Variants in FAM13A observed in about 807,000 individuals in gnomAD.
The protein encoded by FAM13A is protein FAM13A.
In FAM13A, 76 loss-of-function variants were observed where a neutral mutation model predicts 129.6. The ratio of observed to expected loss-of-function variants is 0.59; its 90% CI spans 0.49 to 0.71. The LOEUF (loss-of-function observed/expected upper bound fraction) is 0.71. Ranked by LOEUF, FAM13A falls within the 30% of genes least tolerant of loss-of-function variation. The probability of loss-of-function intolerance (pLI) is 0.00; values close to 1 mark genes in which losing one functional copy is unlikely to be tolerated. For synonymous variants in FAM13A, 443 were observed against 449.9 expected, an observed-to-expected ratio of 0.98 and a Z score of 0.20; for missense variants, 1,108 against 1,249.3, an observed-to-expected ratio of 0.89 and a Z score of 1.70.
intron 23 of FAM13A, chr4:88,729,793 A>C (rs1467066515): frequency 6.6e-6 from 1 of 152,354 alleles, no homozygotes; most frequent in Non-Finnish European, 1.5e-5. Flanking sequence ...CATGTATAAG[A>C]TATCTGTGCA....
At chr4:88,862,794 A>G (rs1739707745) in intron 6 of FAM13A, among the ~76,000 whole-genome samples, 1 of 152,106 alleles carries the variant, frequency 6.6e-6, no homozygotes, top group African/African-American at 2.4e-5. Context: ...GTAAAAATAA[A>G]TAAACAATAA....
chr4:88,812,775 G>C (rs543748397), intron 7 of FAM13A, among the ~76,000 whole-genome samples: 43 of 152,240 alleles, frequency 2.8e-4, no homozygotes, highest in Admixed American at 1.4e-3. Context: ...CACCTAGCTA[G>C]GTACCAAGAA....
intron 7 of FAM13A, among the ~76,000 whole-genome samples, chr4:88,809,756 G>C (rs1018427439): frequency 2.0e-5 from 3 of 151,382 alleles, no homozygotes; most frequent in Non-Finnish European, 4.4e-5. Flanking sequence ...AGTCTCAGTC[G>C]TTAACCATGC....
At chr4:88,778,553 T>C (rs553158705) in intron 11 of FAM13A, among the ~76,000 whole-genome samples, 1 of 152,210 alleles carries the variant, frequency 6.6e-6, no homozygotes, top group Admixed American at 6.5e-5. Flanking sequence ...TGAGTCCATA[T>C]AGCTGGCTCT....
intron 4 of FAM13A, among the ~76,000 whole-genome samples, chr4:88,949,754 AG>A (rs1756624297): frequency 6.6e-6 from 1 of 152,164 alleles, no homozygotes; most frequent in Non-Finnish European, 1.5e-5. Flanking sequence ...CCCCTTCTCA[AG>A]AATTATTGAC....
intron 19 of FAM13A, among the ~76,000 whole-genome samples, chr4:88,740,329 G>A (rs1429939486): frequency 6.6e-6 from 1 of 152,142 alleles, no homozygotes; most frequent in East Asian, 1.9e-4. Context: ...ATGTTGACAC[G>A]TGTCTCCTCC....
intron 10 of FAM13A, among the ~76,000 whole-genome samples, chr4:88,782,775 A>C (rs1353988275): frequency 6.6e-6 from 1 of 152,190 alleles, no homozygotes; most frequent in African/African-American, 2.4e-5. Context: ...GGAGGAGAAG[A>C]TGATAGGGAC....
At chr4:88,963,299 C>CTTT (rs768059079) in intron 4 of FAM13A, among the ~76,000 whole-genome samples, 2 of 138,328 alleles carry the variant, frequency 1.4e-5, no homozygotes, top group Non-Finnish European at 1.6e-5. Context: ...CATTTAAAAT[C>CTTT]TTTTTTTTTT....
intron 7 of FAM13A, among the ~76,000 whole-genome samples, chr4:88,805,522 C>T (rs1316424968): frequency 6.6e-6 from 1 of 152,130 alleles, no homozygotes; most frequent in Non-Finnish European, 1.5e-5. Context: ...GTAAACAGCA[C>T]CATACTCACG....
chr4:88,974,141 C>A (rs1432213095), intron 4 of FAM13A, among the ~76,000 whole-genome samples: 5 of 152,150 alleles, frequency 3.3e-5, no homozygotes, highest in African/African-American at 1.2e-4. Flanking sequence ...AGGCAAAACT[C>A]CCAAAATTAT....
chr4:89,010,813 T>C (rs1765625259), intron 3 of FAM13A, among the ~76,000 whole-genome samples: 1 of 152,128 alleles, frequency 6.6e-6, no homozygotes, highest in Admixed American at 6.6e-5. Context: ...GTTTCTCAGG[T>C]CATCTCAAAA....
At chr4:88,967,318 G>C (rs1392860313) in intron 4 of FAM13A, among the ~76,000 whole-genome samples, 2 of 151,872 alleles carry the variant, frequency 1.3e-5, no homozygotes, top group Non-Finnish European at 2.9e-5. Flanking sequence ...TAACTGAACT[G>C]CTGATTAAAG....
intron 5 of FAM13A, among the ~76,000 whole-genome samples, chr4:88,910,749 A>C (rs1296808271): frequency 6.6e-6 from 1 of 151,594 alleles, no homozygotes; most frequent in Non-Finnish European, 1.5e-5. Flanking sequence ...TCCTGGGTTC[A>C]AGCGATTCTC....
chr4:88,782,135 T>C (rs1221572450), intron 10 of FAM13A, among the ~76,000 whole-genome samples: 1 of 152,120 alleles, frequency 6.6e-6, no homozygotes, highest in Non-Finnish European at 1.5e-5. Context: ...GAAATCTGGA[T>C]TTGTTACTTC....
rs1003208034 is a variant in FAM13A, at chr4:88,747,112, C to G, written c.2383-97G>C. On this transcript the variant is annotated intron_variant, in intron 18 of 23. Coordinates refer to ENST00000264344, the MANE Select transcript of FAM13A (RefSeq NM_014883.4). ...ATTACTAAAGCAAGGCTAAAAAGAA[C>G]CCTCATATAACAGCTCTCCCTAGCT... 6 of 829,056 alleles carry G rather than the reference C, an allele frequency of 7.2e-6. No homozygotes were observed. In the African/African-American group the frequency reaches 1.0e-4, roughly 14 times the overall value. The allele number at this position is 829,056 out of a possible 1,614,324, so 51.4% of individuals were successfully genotyped here. A position where few individuals can be genotyped will look rare whatever the true frequency, so the allele number is the denominator to read the frequency against.
chr4:88,984,015 C>T lies in FAM13A; in HGVS notation c.605+6958G>A, dbSNP rs116347675. Among the ~76,000 whole-genome samples, 990 of 152,244 alleles carry T rather than the reference C, an allele frequency of 6.5e-3. 17 individuals carry two copies. The highest frequency in any genetic ancestry group is 0.023 in the African/African-American group (946 of 41,554). On this transcript the variant is annotated intron_variant, in intron 4 of 23. Coordinates refer to ENST00000264344, the MANE Select transcript of FAM13A (RefSeq NM_014883.4). The stretch of plus-strand genomic sequence containing the variant: ...TATAAGCCCCAATAATTGTGGTCAA[C>T]TTATTTTTGACAAGAGTGCTGAGAT...
chr4:88,991,433 G>C (rs933528298), intron 3 of FAM13A, among the ~76,000 whole-genome samples: 6 of 151,910 alleles, frequency 3.9e-5, no homozygotes, highest in Non-Finnish European at 7.4e-5. Flanking sequence ...GAGAGACTCC[G>C]TCTCAAAATA....
At chr4:88,806,701 G>T (rs1049418771) in intron 7 of FAM13A, among the ~76,000 whole-genome samples, 12 of 152,060 alleles carry the variant, frequency 7.9e-5, no homozygotes, top group Non-Finnish European at 1.3e-4. Flanking sequence ...GTAAGTGATG[G>T]GCTGTAATGT....
chr4:88,957,838 C>T (rs1191999329), intron 4 of FAM13A, among the ~76,000 whole-genome samples: 1 of 152,188 alleles, frequency 6.6e-6, no homozygotes, highest in Non-Finnish European at 1.5e-5. Context: ...AGGAACTTGG[C>T]TGCACTCTGC....
Sources: gnomAD v4.1 joint callset for allele counts (sites outside exome capture counted in the v4.1 genomes callset) on GRCh38, gnomAD v4.1.1 for gene constraint, MANE v1.5 for transcripts, NCBI Gene and HGNC (gene_info 2026-07-23, HGNC 2026-07-21) for gene names.